Variants in KAT6A observed in about 807,000 individuals in gnomAD.
KAT6A encodes the protein histone acetyltransferase KAT6A.
KAT6A carries 9 observed loss-of-function variants against 198.4 expected under a neutral mutation model. That is an observed-to-expected ratio of 0.05 (90% confidence interval 0.03 to 0.08). The LOEUF (loss-of-function observed/expected upper bound fraction) is 0.08. Among genes scored for constraint, KAT6A ranks in the 10% least tolerant of loss-of-function variants. The pLI, the probability that KAT6A is intolerant of heterozygous loss-of-function variation, is 1.00. For missense variants in KAT6A, 2,077 were observed against 2,509.9 expected, an observed-to-expected ratio of 0.83 and a Z score of 3.69; for synonymous variants, 890 against 883.0, an observed-to-expected ratio of 1.01 and a Z score of -0.14.
chr8:41,949,360 C>T lies in KAT6A; in HGVS notation c.1602G>A (p.Leu534=). ...AAAATTCACAAAGATACAATTTGGG[C>T]AGCCTGTAAACGATAATTAAACAAA... ...SSPYPQEYSR[L]PKLYLCEFCL... The change falls in exon 10 of 17, where the codon CTG becomes CTA. Residue 534 remains leucine (L), a synonymous_variant. Transcript: ENST00000265713. The T allele has an allele frequency of 6.6e-7, 1 of 1,521,790 alleles. No homozygotes were observed. Among genetic ancestry groups the T allele is most frequent in the Non-Finnish European group, 8.8e-7 (1 of 1,139,526 alleles). 94.3% of individuals were successfully genotyped at this position (1,521,790 alleles called of 1,614,324 possible). A position where few individuals can be genotyped will look rare whatever the true frequency, so the allele number is the denominator to read the frequency against.
chr8:42,041,227 T>C (rs1827652792), intron 2 of KAT6A, among the ~76,000 whole-genome samples: 1 of 151,324 alleles, frequency 6.6e-6, no homozygotes, highest in Non-Finnish European at 1.5e-5. Flanking sequence ...TGCAGCTGAT[T>C]GTACTTAAAC....
chr8:41,940,713 G>T, intron 15 of KAT6A, 129 bp downstream of exon 15: 5 of 1,135,656 alleles, frequency 4.4e-6, no homozygotes, highest in Non-Finnish European at 6.3e-6. Context: ...ATATACAGAG[G>T]CTTAAGGTTT....
At chr8:41,968,278 G>A (rs1823610411) in intron 8 of KAT6A, among the ~76,000 whole-genome samples, 1 of 151,862 alleles carries the variant, frequency 6.6e-6, no homozygotes, top group Non-Finnish European at 1.5e-5. Context: ...AAATTTACAA[G>A]AAAAAAACAA....
chr8:41,935,622 A>C (rs191099484), intron 16 of KAT6A, among the ~76,000 whole-genome samples: 63 of 152,346 alleles, frequency 4.1e-4, no homozygotes, highest in Middle Eastern at 3.4e-3. Context: ...TATAAGTGTT[A>C]AGTTCAGTGG....
intron 8 of KAT6A, 96 bp from the exon 9 acceptor site, chr8:41,955,507 C>A (rs771018657): frequency 1.6e-4 from 120 of 732,940 alleles, no homozygotes; most frequent in Non-Finnish European, 2.6e-4. Context: ...TCTCAGGACT[C>A]CAAAGGAGTA....
intron 8 of KAT6A, chr8:41,958,475 C>T (rs1246855073): frequency 2.0e-5 from 3 of 152,276 alleles, no homozygotes; most frequent in East Asian, 1.9e-4. Context: ...ACGGAAGTAA[C>T]GACAGCCCTC....
At chr8:41,972,688 G>A (rs887797558) in intron 8 of KAT6A, among the ~76,000 whole-genome samples, 6 of 152,196 alleles carry the variant, frequency 3.9e-5, no homozygotes, top group Non-Finnish European at 7.3e-5. Flanking sequence ...AGAGAGACGT[G>A]ACAACTAAAT....
At chr8:41,989,550 C>CGTGAA (rs1824816492) in intron 2 of KAT6A, among the ~76,000 whole-genome samples, 1 of 151,912 alleles carries the variant, frequency 6.6e-6, no homozygotes, top group Non-Finnish European at 1.5e-5. Flanking sequence ...CGTGACGTGA[C>CGTGAA]GTGACGTGAC....
chr8:42,007,096 C>T (rs2150906072), intron 2 of KAT6A, among the ~76,000 whole-genome samples: 1 of 152,000 alleles, frequency 6.6e-6, no homozygotes, highest in Middle Eastern at 3.5e-3. Flanking sequence ...GCAATTTGCC[C>T]CTAAGAACAC....
chr8:41,986,865 T>C (rs923600946), intron 3 of KAT6A, among the ~76,000 whole-genome samples: 1 of 151,994 alleles, frequency 6.6e-6, no homozygotes, highest in East Asian at 1.9e-4. Flanking sequence ...TGGTGAAACC[T>C]TGTCTCTACT....
At chr8:42,034,458 A>G (rs1827274595) in intron 2 of KAT6A, among the ~76,000 whole-genome samples, 1 of 152,208 alleles carries the variant, frequency 6.6e-6, no homozygotes. Context: ...ACGCACGGGA[A>G]TGGGTTACAA....
Position 41,930,736 on chromosome 8 carries a change from T to A in KAT6A, c.*1469A>T, listed in dbSNP as rs1293933842. 118 of 140,784 alleles carry A rather than the reference T, an allele frequency of 8.4e-4. No individual in the cohort carries two copies. The highest frequency in any genetic ancestry group is 2.5e-3 in the African/African-American group (83 of 32,652). The allele number at this position is 140,784 out of a possible 1,614,324, so 8.7% of individuals were successfully genotyped here. A position where few individuals can be genotyped will look rare whatever the true frequency, so the allele number is the denominator to read the frequency against. ...TATATATATATATATATATTTTTTTTTTTTTTTTTTTTTTTTTTACCTATC... is the reference window on the plus strand; with the variant it reads ...TATATATATATATATATATTTTTTTATTTTTTTTTTTTTTTTTTACCTATC... On this transcript the variant is annotated 3_prime_UTR_variant, in exon 17 of 17. Transcript: ENST00000265713.
intron 15 of KAT6A, among the ~76,000 whole-genome samples, chr8:41,938,725 C>T (rs1303294686): frequency 1.3e-5 from 2 of 151,984 alleles, no homozygotes; most frequent in Non-Finnish European, 1.5e-5. Context: ...GCAGGTGGAC[C>T]GCCCAAGCTC....
At chr8:42,024,464 TCTAA>T (rs770717983) in intron 2 of KAT6A, among the ~76,000 whole-genome samples, 34 of 152,208 alleles carry the variant, frequency 2.2e-4, no homozygotes, top group Non-Finnish European at 4.4e-4. Flanking sequence ...CTTGAAATCT[TCTAA>T]CTATTTTGAA....
intron 2 of KAT6A, among the ~76,000 whole-genome samples, chr8:42,041,825 T>TTATAA (rs1827682555): frequency 6.8e-6 from 1 of 147,048 alleles, no homozygotes. Flanking sequence ...ATTTCACACT[T>TTATAA]GATAATAGCT....
rs546448417 is a variant in KAT6A, at chr8:41,949,958, A to C, written c.1599-595T>G. Among the ~76,000 whole-genome samples the C allele has an allele frequency of 5.3e-5, 8 of 152,330 alleles. No homozygotes were observed. In the East Asian group the frequency reaches 1.5e-3, roughly 29 times the overall value. On this transcript the variant is annotated intron_variant, in intron 9 of 16. Coordinates refer to ENST00000265713, the MANE Select transcript of KAT6A (RefSeq NM_006766.5). Reference sequence around the variant, plus strand: ...AACTGTCATTCAATTCAGCACACTGAAAGTTTCCAAGGAACTTTTGTAGTA... The same window carrying C: ...AACTGTCATTCAATTCAGCACACTGCAAGTTTCCAAGGAACTTTTGTAGTA...
chr8:41,979,767 G>A lies in KAT6A; in HGVS notation c.908-990C>T, dbSNP rs529280730. ...TGTAATCCCAGCACTTTGGGAGGCC[G>A]AGGCGAACAGATCACTTGAGGCCAG... On this transcript the variant is annotated intron_variant, in intron 5 of 16. Coordinates refer to ENST00000265713, the MANE Select transcript of KAT6A (RefSeq NM_006766.5). 3.6e-4 allele frequency among the ~76,000 whole-genome samples: 55 copies of A among 152,312 alleles called. 1 individual carries two copies. In the South Asian group the frequency reaches 7.3e-3, roughly 20 times the overall value.
At chr8:41,998,492 G>A (rs1317574304) in intron 2 of KAT6A, among the ~76,000 whole-genome samples, 7 of 151,986 alleles carry the variant, frequency 4.6e-5, no homozygotes, top group Admixed American at 4.6e-4. Context: ...CTCATGCTCT[G>A]ACCAAATCCT....
Position 41,932,264 on chromosome 8 carries a change from A to G in KAT6A, c.5956T>C (p.Tyr1986His). The change falls in exon 17 of 17, where the codon TAC becomes CAC. Residue 1986 changes from tyrosine (Y) to histidine (H), a missense_variant. By Grantham distance (83) the Tyr-to-His change is moderately conservative (BLOSUM62 2). Around this residue, in one of 13 missense-constraint regions of KAT6A, gnomAD observed 500 missense variants for 577.2 expected, o/e 0.87. Transcript: ENST00000265713. The part of the protein sequence containing the change: ...MMYTGPSHHS[Y>H]MNAAGVPKQS... ...TTGGGCACGCCAGCAGCGTTCATGT[A>G]GCTGTGATGGGAGGGGCCTGTGTAC... 1 of 1,613,934 alleles carries G rather than the reference A, an allele frequency of 6.2e-7. No homozygotes were observed. Among genetic ancestry groups the G allele is most frequent in the Non-Finnish European group, 8.5e-7 (1 of 1,179,924 alleles).
Sources: gnomAD v4.1 joint callset for allele counts (sites outside exome capture counted in the v4.1 genomes callset) on GRCh38, gnomAD v4.1.1 for gene constraint, gnomAD v4.1.1 regional missense constraint, MANE v1.5 for transcripts, NCBI Gene and HGNC (gene_info 2026-07-23, HGNC 2026-07-21) for gene names.